Variants in LCP2 observed in about 807,000 individuals in gnomAD.
LCP2 encodes the protein 76 kDa tyrosine phosphoprotein.
LCP2 carries 29 observed loss-of-function variants against 74.5 expected under a neutral mutation model. That is an observed-to-expected ratio of 0.39 (90% CI 0.29 to 0.53). LCP2 has a LOEUF of 0.53. LCP2 is among the 20% of genes least tolerant of loss of function. The pLI is 0.72. For missense variants in LCP2, 604 were observed against 634.6 expected (o/e 0.95, Z 0.52); for synonymous variants, 228 against 229.5 (o/e 0.99, Z 0.06).
chr5:170,274,198 T>A, intron 6 of LCP2, 103 bp downstream of exon 6: 1 of 1,220,376 alleles, frequency 8.2e-7, no homozygotes, highest in Non-Finnish European at 1.2e-6. Flanking sequence ...TGTGCTGGCA[T>A]CATGTTAGAG....
chr5:170,277,017 A>G (rs112183547), intron 3 of LCP2, among the ~76,000 whole-genome samples: 1 of 146,188 alleles, frequency 6.8e-6, no homozygotes. Flanking sequence ...TGGAGGTTGC[A>G]GTGAGCCGAG....
intron 20 of LCP2, among the ~76,000 whole-genome samples, chr5:170,249,377 T>TATAG (rs1561964394): frequency 7.8e-6 from 1 of 127,572 alleles, no homozygotes; most frequent in Non-Finnish European, 1.8e-5. Context: ...TATATATATA[T>TATAG]ATATCTACAT....
At chr5:170,266,936 C>T (rs772253777) in intron 9 of LCP2, 45 bp from the exon 10 acceptor site, 4 of 1,559,438 alleles carry the variant, frequency 2.6e-6, no homozygotes, top group South Asian at 2.2e-5. Flanking sequence ...AGAAAGCAGT[C>T]GGCTGGGGGT....
chr5:170,286,367 C>G (rs769328517), intron 3 of LCP2, among the ~76,000 whole-genome samples: 19 of 152,310 alleles, frequency 1.2e-4, no homozygotes, highest in Non-Finnish European at 2.5e-4. Context: ...CAGTGGTCAC[C>G]AAATTTAACA....
rs762204104 is a variant in LCP2 at position 170,250,850 on chromosome 5, T to A, written c.1359A>T (p.Lys453Asn). Residue 453 changes from lysine (K) to asparagine (N), a missense_variant, in exon 20 of 21, where the codon AAA becomes AAT. Transcript: ENST00000046794. ...GTFLVRDSSK[K>N]TTTNPYVLMV... ...TGAGGACATATGGATTGGTTGTTGT[T>A]TTTTTAGAGCTGTCTCTGACCAGAA... The A allele has an allele frequency of 1.9e-6, 3 of 1,613,564 alleles. No individual in the cohort carries two copies.
intron 19 of LCP2, chr5:170,251,947 A>C: frequency 4.0e-6 from 1 of 249,508 alleles, no homozygotes; most frequent in South Asian, 4.5e-5. Flanking sequence ...AAGTTTCGGC[A>C]CTGGCTACGG....
chr5:170,270,087 T>C (rs1324339260), intron 7 of LCP2, among the ~76,000 whole-genome samples: 1 of 152,256 alleles, frequency 6.6e-6, no homozygotes, highest in Non-Finnish European at 1.5e-5. Flanking sequence ...ACACCACTAC[T>C]AGAATGTAAG....
chr5:170,261,029 G>T, intron 14 of LCP2, 78 bp downstream of exon 14: 1 of 1,099,326 alleles, frequency 9.1e-7, no homozygotes, highest in Non-Finnish European at 1.4e-6. Flanking sequence ...GGCCAAGGTG[G>T]ATGGAGTCCC....
chr5:170,248,651 T>C lies in LCP2; in HGVS notation c.*46A>G, dbSNP rs763204699. 1.9e-6 allele frequency: 3 copies of C among 1,607,752 alleles called. No homozygotes were observed. Among genetic ancestry groups the C allele is most frequent in the Non-Finnish European group, 2.5e-6 (3 of 1,176,516 alleles). On this transcript the variant is annotated 3_prime_UTR_variant, in exon 21 of 21. Transcript: ENST00000046794. ...TGACCAAGGCTGATTGATCTCGTGTTGGCAACAGAGGCAGGAGGACGGTTC... is the reference window on the plus strand; with the variant it reads ...TGACCAAGGCTGATTGATCTCGTGTCGGCAACAGAGGCAGGAGGACGGTTC...
chr5:170,253,170 G>C lies in LCP2; in HGVS notation c.1194C>G (p.Phe398Leu), dbSNP rs752917222. Residue 398 changes from phenylalanine (F) to leucine (L), a missense_variant, in exon 18 of 21, where the codon TTC becomes TTG. Phe to Leu is a conservative substitution (Grantham distance 22). Transcript: ENST00000046794. ...GAGGTTTGTTTGGAAGTGGCAAGGG[G>C]AAGTTTCTGCCTTCGGCTCTGATAG... ...RPPIRAEGRN[F>L]PLPLPNKPRP... 1 of 1,612,156 alleles carries C rather than the reference G, an allele frequency of 6.2e-7. No homozygotes were observed. The highest frequency in any genetic ancestry group is 8.5e-7 in the Non-Finnish European group (1 of 1,179,106).
At chr5:170,284,061 A>G (rs1029019153) in intron 3 of LCP2, among the ~76,000 whole-genome samples, 1 of 152,250 alleles carries the variant, frequency 6.6e-6, no homozygotes, top group Non-Finnish European at 1.5e-5. Flanking sequence ...TGCAGCCTGA[A>G]TAATTTTAAC....
At chr5:170,258,961 TAAATC>T in intron 14 of LCP2, 83 bp from the exon 15 acceptor site, 1 of 865,290 alleles carries the variant, frequency 1.2e-6, no homozygotes, top group Non-Finnish European at 1.9e-6. Flanking sequence ...CTCAATCAAA[TAAATC>T]AAATAGGTAT....
At chr5:170,271,627 C>A (rs1044305090) in intron 6 of LCP2, among the ~76,000 whole-genome samples, 1 of 151,814 alleles carries the variant, frequency 6.6e-6, no homozygotes, top group Non-Finnish European at 1.5e-5. Flanking sequence ...AAAGTAAGCC[C>A]GAGGTGCTGG....
intron 6 of LCP2, 187 bp downstream of exon 6, chr5:170,274,114 G>A (rs1026672359): frequency 1.6e-6 from 1 of 611,622 alleles, no homozygotes; most frequent in Non-Finnish European, 2.9e-6. Context: ...GAGACAGAGA[G>A]TGCATGGCTC....
chr5:170,268,329 G>A (rs895070326), intron 8 of LCP2, 56 bp downstream of exon 8: 5 of 289,732 alleles, frequency 1.7e-5, no homozygotes, highest in Non-Finnish European at 3.3e-5. Context: ...TCTCTCTGGC[G>A]GAGGAAATAA....
chr5:170,272,150 AC>A (rs1272025583), intron 6 of LCP2, among the ~76,000 whole-genome samples: 4 of 152,010 alleles, frequency 2.6e-5, no homozygotes, highest in African/African-American at 9.7e-5. Context: ...CCCTTTCCTC[AC>A]CCTGTCTACC....
intron 7 of LCP2, among the ~76,000 whole-genome samples, chr5:170,270,153 G>A (rs960644278): frequency 1.2e-4 from 18 of 152,336 alleles, no homozygotes; most frequent in Non-Finnish European, 2.4e-4. Flanking sequence ...CACTGAGAAT[G>A]GGGCCTGGGC....
chr5:170,297,481 C>T (rs1762411342), intron 1 of LCP2, 53 bp downstream of exon 1: 1 of 1,502,652 alleles, frequency 6.7e-7, no homozygotes, highest in Non-Finnish European at 9.2e-7. Flanking sequence ...AGCCTCAGCT[C>T]AGCCCACCAA....
chr5:170,248,898 TA>T, intron 20 of LCP2, 79 bp from the exon 21 acceptor site: 1 of 1,383,736 alleles, frequency 7.2e-7, no homozygotes, highest in Non-Finnish European at 1.0e-6. Flanking sequence ...TTTATCTGCA[TA>T]ATATATGCTG....
Sources: allele counts gnomAD v4.1 joint callset (sites outside exome capture counted in the v4.1 genomes callset), GRCh38; gene constraint gnomAD v4.1.1; transcripts MANE v1.5; gene names NCBI Gene and HGNC (gene_info 2026-07-23, HGNC 2026-07-21).